RYR3: variants seen among roughly 807,000 people sequenced by gnomAD.
RYR3 encodes the protein brain ryanodine receptor-calcium release channel.
RYR3 carries 207 observed loss-of-function variants against 584.3 expected under a neutral mutation model. The ratio of observed to expected loss-of-function variants is 0.35; its 90% CI spans 0.32 to 0.40. The LOEUF (loss-of-function observed/expected upper bound fraction) is 0.40. RYR3 is among the 10% of genes least tolerant of loss of function. RYR3 has a pLI of 1.00. For synonymous variants in RYR3, 2,416 were observed against 2,248.5 expected (o/e 1.07, Z -2.11); for missense variants, 5,616 against 6,089.2 (o/e 0.92, Z 2.59).
rs142283052 is a variant in RYR3, at chr15:33,620,044, C to T, written c.2358-3763C>T. Among the ~76,000 whole-genome samples, 260 of 152,268 alleles carry T rather than the reference C, an allele frequency of 1.7e-3. 1 individual carries two copies. Among genetic ancestry groups the T allele is most frequent in the African/African-American group, 6.0e-3 (250 of 41,544 alleles). The stretch of plus-strand genomic sequence containing the variant: ...CCCTCCAGATCCCCTTTCCCACATC[C>T]CCCAGCCCCTGGGTTTCTGATCTCT... On this transcript the variant is annotated intron_variant, in intron 19 of 103. Transcript: ENST00000634891.
intron 5 of RYR3, among the ~76,000 whole-genome samples, chr15:33,536,914 A>T (rs1201034941): frequency 1.3e-5 from 2 of 152,170 alleles, no homozygotes; most frequent in Admixed American, 6.5e-5. Flanking sequence ...TTTCTAGATT[A>T]TGCATTAACT....
At chr15:33,585,197 T>A (rs1217633191) in intron 15 of RYR3, among the ~76,000 whole-genome samples, 1 of 152,154 alleles carries the variant, frequency 6.6e-6, no homozygotes, top group Non-Finnish European at 1.5e-5. Context: ...CCCCCAAGGA[T>A]CATCCACCTA....
rs149322941 is a variant in RYR3, at chr15:33,457,391, G to A, written c.52-16028G>A. 1.9e-3 allele frequency among the ~76,000 whole-genome samples: 292 copies of A among 152,238 alleles called. 1 individual carries two copies. The East Asian group carries it at 0.02, about 11-fold the overall frequency. ...GATGAAGATAATGTAATGTATATAC[G>A]CAATGGAATACTATTCAGCCATAAA... On this transcript the variant is annotated intron_variant, in intron 1 of 103. Coordinates refer to ENST00000634891, the MANE Select transcript of RYR3 (RefSeq NM_001036.6).
chr15:33,484,472 A>T (rs1472333474), intron 2 of RYR3, among the ~76,000 whole-genome samples: 1 of 152,202 alleles, frequency 6.6e-6, no homozygotes, highest in East Asian at 1.9e-4. Flanking sequence ...AAAAGAAAAG[A>T]TAGGTGATGA....
intron 86 of RYR3, among the ~76,000 whole-genome samples, chr15:33,832,425 T>G (rs2077740834): frequency 6.6e-6 from 1 of 151,966 alleles, no homozygotes; most frequent in South Asian, 2.1e-4. Context: ...GAGGCCAAGG[T>G]GGGCAGATCA....
chr15:33,800,934 G>A, intron 68 of RYR3, 77 bp downstream of exon 68: 6 of 1,052,932 alleles, frequency 5.7e-6, no homozygotes, highest in Non-Finnish European at 8.9e-6. Flanking sequence ...ATGAAAAAAA[G>A]CCAACAGTAA....
chr15:33,691,734 G>GT (rs942725066), intron 38 of RYR3, among the ~76,000 whole-genome samples: 7 of 152,270 alleles, frequency 4.6e-5, no homozygotes, highest in Non-Finnish European at 2.9e-5. Context: ...TTTTAAAGAT[G>GT]TAAACTCGAG....
intron 1 of RYR3, among the ~76,000 whole-genome samples, chr15:33,443,275 C>T (rs1244492277): frequency 1.1e-4 from 16 of 148,916 alleles, no homozygotes; most frequent in Admixed American, 8.0e-4. Flanking sequence ...AAAAAAAAAA[C>T]CCTGCATAAA....
Position 33,865,205 on chromosome 15 carries a change from A to C in RYR3, c.14592A>C (p.Gln4864His). 1.2e-6 allele frequency: 2 copies of C among 1,613,482 alleles called. No individual in the cohort carries two copies. Among genetic ancestry groups the C allele is most frequent in the Non-Finnish European group, 1.7e-6 (2 of 1,179,628 alleles). Residue 4864 changes from glutamine (Q) to histidine (H), a missense_variant, in exon 104 of 104, where the codon CAA becomes CAC. Around this residue, in one of 9 missense-constraint regions of RYR3, gnomAD observed 918 missense variants for 887.4 expected, o/e 1.03. Coordinates refer to ENST00000634891, the MANE Select transcript of RYR3 (RefSeq NM_001036.6). ...FFPAGDCFRKQYEDQLG is the reference protein window; with the variant it reads ...FFPAGDCFRKHYEDQLG ...CAGCCGGTGACTGCTTTCGTAAACA[A>C]TATGAAGATCAGCTTGGATAAATCT...
intron 20 of RYR3, 110 bp from the exon 21 acceptor site, chr15:33,628,361 T>G (rs1425645567): frequency 1.6e-5 from 11 of 699,134 alleles, no homozygotes; most frequent in Admixed American, 1.1e-4. Flanking sequence ...GGTCGGATAC[T>G]GCAGCTCCTC....
chr15:33,679,493 A>G (rs1361758593), intron 38 of RYR3, among the ~76,000 whole-genome samples: 1 of 152,210 alleles, frequency 6.6e-6, no homozygotes, highest in Non-Finnish European at 1.5e-5. Flanking sequence ...AATTTAACCC[A>G]ATGAAGCCAA....
At chr15:33,701,314 G>A (rs1179093520) in intron 42 of RYR3, among the ~76,000 whole-genome samples, 2 of 152,170 alleles carry the variant, frequency 1.3e-5, no homozygotes, top group Non-Finnish European at 1.5e-5. Context: ...TGTGTTCTTC[G>A]TGTGTGGAAG....
chr15:33,507,400 G>A (rs148142499), intron 3 of RYR3, among the ~76,000 whole-genome samples: 1 of 152,068 alleles, frequency 6.6e-6, no homozygotes, highest in Non-Finnish European at 1.5e-5. Flanking sequence ...TGCCTCTCAG[G>A]GTCTGCCCTA....
chr15:33,330,725 G>A (rs1402871424), intron 1 of RYR3, among the ~76,000 whole-genome samples: 1 of 152,176 alleles, frequency 6.6e-6, no homozygotes, highest in African/African-American at 2.4e-5. Flanking sequence ...CATGCTAGGA[G>A]CAGGATGCCA....
chr15:33,337,372 T>C (rs1441763747), intron 1 of RYR3, among the ~76,000 whole-genome samples: 1 of 152,130 alleles, frequency 6.6e-6, no homozygotes, highest in East Asian at 1.9e-4. Flanking sequence ...ACACAGAGCC[T>C]AGGTAATGTT....
intron 2 of RYR3, among the ~76,000 whole-genome samples, chr15:33,495,487 A>T (rs1940419171): frequency 1.3e-5 from 2 of 152,212 alleles, no homozygotes; most frequent in African/African-American, 4.8e-5. Context: ...GGTGTAAGGG[A>T]TAGATGACAT....
In RYR3 at chr15:33,588,966, G is replaced by T. The variant is rs147030166; in HGVS notation, c.1788+2850G>T. On this transcript the variant is annotated intron_variant, in intron 16 of 103. Transcript: ENST00000634891. ...ATAGCAATTTATTTTCCTTTGGGTA[G>T]ATACCCAGTAGTGGGATTGCTGGAT... 4.2e-4 allele frequency among the ~76,000 whole-genome samples: 64 copies of T among 152,254 alleles called. 1 individual carries two copies. Among genetic ancestry groups the T allele is most frequent in the African/African-American group, 1.5e-3 (64 of 41,558 alleles).
At chr15:33,515,513 T>C (rs571960879) in intron 3 of RYR3, among the ~76,000 whole-genome samples, 51 of 152,382 alleles carry the variant, frequency 3.3e-4, no homozygotes, top group African/African-American at 1.1e-3. Context: ...AATTCCTCTT[T>C]TCATAACTTC....
At chr15:33,462,291 T>G (rs2048101323) in intron 1 of RYR3, among the ~76,000 whole-genome samples, 1 of 152,220 alleles carries the variant, frequency 6.6e-6, no homozygotes, top group Non-Finnish European at 1.5e-5. Context: ...GTCAGTAAAT[T>G]GCAGTGAGTG....
Sources: gnomAD v4.1 joint callset for allele counts (sites outside exome capture counted in the v4.1 genomes callset) on GRCh38, gnomAD v4.1.1 for gene constraint, gnomAD v4.1.1 regional missense constraint, MANE v1.5 for transcripts, NCBI Gene and HGNC (gene_info 2026-07-23, HGNC 2026-07-21) for gene names.